Variants in FBXL7 observed in about 807,000 individuals in gnomAD.
FBXL7 encodes F-box/LRR-repeat protein 7.
A neutral mutation model predicts 38.3 loss-of-function variants in FBXL7; 12 were observed. The ratio of observed to expected loss-of-function variants is 0.31; its 90% CI spans 0.20 to 0.51. FBXL7 has a LOEUF of 0.51. FBXL7 is among the 20% of genes least tolerant of loss of function. The pLI is 0.98. For synonymous variants in FBXL7, 297 were observed against 300.9 expected, an observed-to-expected ratio of 0.99 and a Z score of 0.13; for missense variants, 567 against 676.4, an observed-to-expected ratio of 0.84 and a Z score of 1.79.
At chr5:15,643,909 G>T (rs1309017733) in intron 2 of FBXL7, among the ~76,000 whole-genome samples, 1 of 152,146 alleles carries the variant, frequency 6.6e-6, no homozygotes, top group Non-Finnish European at 1.5e-5. Flanking sequence ...GCTTAGATGT[G>T]TGTCTGACTC....
intron 2 of FBXL7, among the ~76,000 whole-genome samples, chr5:15,821,109 C>A (rs1460541309): frequency 6.6e-6 from 1 of 152,086 alleles, no homozygotes; most frequent in Non-Finnish European, 1.5e-5. Context: ...ATGGTAGGTC[C>A]CCAGTAAATG....
chr5:15,519,911 CA>C (rs1157057179), intron 1 of FBXL7, among the ~76,000 whole-genome samples: 2 of 152,136 alleles, frequency 1.3e-5, no homozygotes, highest in Non-Finnish European at 2.9e-5. Context: ...AAAGTGAAAG[CA>C]AGTTTATGAA....
intron 2 of FBXL7, among the ~76,000 whole-genome samples, chr5:15,916,521 A>T (rs1375627950): frequency 6.6e-6 from 1 of 152,224 alleles, no homozygotes; most frequent in Non-Finnish European, 1.5e-5. Context: ...TCAGTGTATA[A>T]GTTGTATACC....
rs6888839 is a variant in FBXL7 at position 15,884,252 on chromosome 5, C to T, written c.128-43638C>T. 7.2e-3 allele frequency among the ~76,000 whole-genome samples: 1,081 copies of T among 150,646 alleles called. 22 individuals are homozygous for T. Among genetic ancestry groups the T allele is most frequent in the African/African-American group, 0.025 (1,026 of 40,370 alleles). On this transcript the variant is annotated intron_variant, in intron 2 of 3. Coordinates refer to ENST00000504595, the MANE Select transcript of FBXL7 (RefSeq NM_012304.5). ...TAATACTATGGGATCAGGGAATCTTCTTTCTTTCTTTCTTTCTTTCTTCTT... is the reference window on the plus strand; with the variant it reads ...TAATACTATGGGATCAGGGAATCTTTTTTCTTTCTTTCTTTCTTTCTTCTT...
chr5:15,702,590 T>A (rs1743562246), intron 2 of FBXL7, among the ~76,000 whole-genome samples: 1 of 152,202 alleles, frequency 6.6e-6, no homozygotes, highest in African/African-American at 2.4e-5. Flanking sequence ...ATAGGTTCAT[T>A]GTTATCATCA....
At chr5:15,820,464 G>A (rs993108290) in intron 2 of FBXL7, among the ~76,000 whole-genome samples, 1 of 151,860 alleles carries the variant, frequency 6.6e-6, no homozygotes, top group Non-Finnish European at 1.5e-5. Flanking sequence ...CTTAAACTTG[G>A]TGCAGCCTCT....
intron 1 of FBXL7, among the ~76,000 whole-genome samples, chr5:15,520,361 T>C (rs1029510368): frequency 7.9e-5 from 12 of 152,236 alleles, no homozygotes; most frequent in Non-Finnish European, 1.8e-4. Flanking sequence ...CACACGCCTC[T>C]AACAGTTTCA....
intron 1 of FBXL7, among the ~76,000 whole-genome samples, chr5:15,517,161 G>T (rs1419436219): frequency 1.3e-5 from 2 of 152,042 alleles, no homozygotes; most frequent in Admixed American, 6.6e-5. Context: ...AGAGTAGCTG[G>T]GACCACAGTC....
chr5:15,827,614 G>T (rs376181514), intron 2 of FBXL7, among the ~76,000 whole-genome samples: 1 of 152,094 alleles, frequency 6.6e-6, no homozygotes, highest in African/African-American at 2.4e-5. Flanking sequence ...AGAGAAAGGG[G>T]TCTGAACTTA....
chr5:15,793,831 T>G (rs1737342032), intron 2 of FBXL7, among the ~76,000 whole-genome samples: 1 of 150,918 alleles, frequency 6.6e-6, no homozygotes, highest in Non-Finnish European at 1.5e-5. Flanking sequence ...TGTGGCAGAG[T>G]TAGAGTTTCT....
chr5:15,685,247 A>G (rs16867547), intron 2 of FBXL7, among the ~76,000 whole-genome samples: 3,575 of 152,270 alleles, frequency 0.023, 88 homozygotes, highest in South Asian at 0.076. Context: ...ATACGCTGGG[A>G]TGCAGTCTTT....
rs186202056 is a variant in FBXL7 at position 15,883,176 on chromosome 5, T to G, written c.128-44714T>G. Among the ~76,000 whole-genome samples, 49 of 152,344 alleles carry G rather than the reference T, an allele frequency of 3.2e-4. 4 individuals are homozygous for G. The East Asian group carries it at 9.5e-3, about 29-fold the overall frequency. On this transcript the variant is annotated intron_variant, in intron 2 of 3. Coordinates refer to ENST00000504595, the MANE Select transcript of FBXL7 (RefSeq NM_012304.5). ...GTTAAGGTAGAAAATATAAGGATTA[T>G]GTTTAACCTACATGTTCAGGGTTGG...
At chr5:15,776,228 A>G (rs1407019633) in intron 2 of FBXL7, among the ~76,000 whole-genome samples, 1 of 152,138 alleles carries the variant, frequency 6.6e-6, no homozygotes, top group African/African-American at 2.4e-5. Flanking sequence ...CCACTCTTGC[A>G]TGCAGATTAG....
At chr5:15,835,094 T>C (rs975015593) in intron 2 of FBXL7, among the ~76,000 whole-genome samples, 1 of 152,208 alleles carries the variant, frequency 6.6e-6, no homozygotes, top group Admixed American at 6.5e-5. Flanking sequence ...TATACACCAT[T>C]AGCTTCTTGC....
At chr5:15,923,759 G>C (rs1327658586) in intron 2 of FBXL7, among the ~76,000 whole-genome samples, 1 of 152,038 alleles carries the variant, frequency 6.6e-6, no homozygotes, top group East Asian at 1.9e-4. Context: ...AGAGACTCTT[G>C]GTGTGTCTTC....
intron 2 of FBXL7, among the ~76,000 whole-genome samples, chr5:15,899,964 A>G (rs983654884): frequency 6.6e-6 from 1 of 152,134 alleles, no homozygotes; most frequent in Non-Finnish European, 1.5e-5. Context: ...GAGAATTAGT[A>G]TCAAGATTAA....
intron 2 of FBXL7, among the ~76,000 whole-genome samples, chr5:15,862,692 G>A (rs905378292): frequency 6.6e-6 from 1 of 152,212 alleles, no homozygotes; most frequent in African/African-American, 2.4e-5. Context: ...GCTGAGTTGG[G>A]TCCCCTGCCA....
chr5:15,539,590 A>G (rs1229460287), intron 1 of FBXL7, among the ~76,000 whole-genome samples: 1 of 151,888 alleles, frequency 6.6e-6, no homozygotes, highest in Non-Finnish European at 1.5e-5. Flanking sequence ...TAGAAGAGAG[A>G]TTTTACTAGA....
intron 2 of FBXL7, among the ~76,000 whole-genome samples, chr5:15,685,200 A>T (rs188205805): frequency 1.1e-4 from 17 of 152,312 alleles, no homozygotes; most frequent in Admixed American, 1.1e-3. Flanking sequence ...TGGGGCAATA[A>T]TTTTTCCAAA....
Sources: gnomAD v4.1 joint callset for allele counts (sites outside exome capture counted in the v4.1 genomes callset) on GRCh38, gnomAD v4.1.1 for gene constraint, MANE v1.5 for transcripts, NCBI Gene and HGNC (gene_info 2026-07-23, HGNC 2026-07-21) for gene names.